TVP23A: variants seen among roughly 807,000 people sequenced by gnomAD.
The protein encoded by TVP23A is trans-golgi network vesicle protein 23 homolog A, also known as Golgi apparatus membrane protein TVP23 homolog A.
A neutral mutation model predicts 31.7 loss-of-function variants in TVP23A; 21 were observed. That is an observed-to-expected ratio of 0.66 (90% CI 0.47 to 0.95). The LOEUF (loss-of-function observed/expected upper bound fraction) is 0.95. Among genes scored for constraint, TVP23A ranks in the 40% least tolerant of loss-of-function variants. The probability of loss-of-function intolerance (pLI) is 0.00; values close to 1 mark genes in which losing one functional copy is unlikely to be tolerated. For missense variants in TVP23A, 279 were observed against 255.6 expected, an observed-to-expected ratio of 1.09 and a Z score of -0.62; for synonymous variants, 104 against 96.0, an observed-to-expected ratio of 1.08 and a Z score of -0.49.
chr16:10,818,289 C>T lies in TVP23A; in HGVS notation c.10-107G>A, dbSNP rs996672434. On this transcript the variant is annotated intron_variant, in intron 1 of 7. Coordinates refer to ENST00000299866, the MANE Select transcript of TVP23A (RefSeq NM_001079512.4). This position sits in a 1 kb window ranked among gnomAD's most constrained non-coding sequence, Gnocchi z 4.7. ...ACTCCACTTGCACCCCACCGGGTTCCCAAGTGGACCCTCCGAGCTGGCGGG... is the reference window on the plus strand; with the variant it reads ...ACTCCACTTGCACCCCACCGGGTTCTCAAGTGGACCCTCCGAGCTGGCGGG... 5.7e-5 allele frequency: 74 copies of T among 1,287,868 alleles called. No individual in the cohort carries two copies. Among genetic ancestry groups the T allele is most frequent in the Non-Finnish European group, 7.8e-5 (72 of 921,672 alleles). 79.8% of individuals were successfully genotyped at this position (1,287,868 alleles called of 1,614,324 possible).
chr16:10,789,537 T>C (rs915825047), intron 2 of TVP23A, among the ~76,000 whole-genome samples: 2 of 151,722 alleles, frequency 1.3e-5, no homozygotes, highest in Admixed American at 6.6e-5. Context: ...ACATTCAAGA[T>C]ATACATTGGG....
At chr16:10,808,735 C>G (rs2034058916) in intron 2 of TVP23A, 1 of 312,216 alleles carries the variant, frequency 3.2e-6, no homozygotes. Flanking sequence ...CATGATTACA[C>G]CACTGCACTC....
At chr16:10,773,219 T>C (rs2031755054) in intron 5 of TVP23A, 94 bp downstream of exon 5, 2 of 1,417,372 alleles carry the variant, frequency 1.4e-6, no homozygotes, top group South Asian at 1.5e-5. Context: ...AATTGATCAA[T>C]CAATCAATAA....
intron 2 of TVP23A, among the ~76,000 whole-genome samples, chr16:10,799,266 C>G (rs537676497): frequency 1.1e-3 from 163 of 152,318 alleles, no homozygotes; most frequent in African/African-American, 3.8e-3. Context: ...TCTGTAGCTG[C>G]TAAGTTGGGG....
In TVP23A at chr16:10,768,393, G is replaced by T; in HGVS notation, c.*709C>A. The stretch of plus-strand genomic sequence containing the variant: ...GGAGGCAGGCAGATCACTTGAGGCT[G>T]GTCAGGAGTTCAAGACCAGCCTGGC... On this transcript the variant is annotated 3_prime_UTR_variant, in exon 8 of 8. Transcript: ENST00000299866. This position sits in a 1 kb window ranked among gnomAD's most constrained non-coding sequence, Gnocchi z 4.3. The T allele has an allele frequency of 5.8e-6, 1 of 171,878 alleles. No homozygotes were observed. 10.6% of individuals were successfully genotyped at this position (171,878 alleles called of 1,614,324 possible).
chr16:10,791,352 G>A (rs770898867), intron 2 of TVP23A, among the ~76,000 whole-genome samples: 2 of 152,172 alleles, frequency 1.3e-5, no homozygotes, highest in African/African-American at 4.8e-5. Flanking sequence ...TGATGTAGGA[G>A]TTCAGAAGAA....
At chr16:10,798,722 G>A (rs2033539145) in intron 2 of TVP23A, among the ~76,000 whole-genome samples, 2 of 152,006 alleles carry the variant, frequency 1.3e-5, no homozygotes, top group Non-Finnish European at 2.9e-5. Context: ...GGAGTGCAAT[G>A]GTGCGATCTT....
At chr16:10,795,728 A>T (rs1392224728) in intron 2 of TVP23A, among the ~76,000 whole-genome samples, 2 of 152,092 alleles carry the variant, frequency 1.3e-5, no homozygotes, top group Non-Finnish European at 2.9e-5. Flanking sequence ...CTCCTTCTGG[A>T]TCCCTTCAGC....
rs1010008316 is a variant in TVP23A at position 10,777,924 on chromosome 16, T to C, written c.90-2828A>G. 1.3e-5 allele frequency among the ~76,000 whole-genome samples: 2 copies of C among 152,040 alleles called. No homozygotes were observed. The highest frequency in any genetic ancestry group is 2.9e-5 in the Non-Finnish European group (2 of 68,030). Reference sequence around the variant, plus strand: ...TACTCGGGACGCTGAGGCAGGAGAATTGCTTGAATCTGGGAGGCGGAGGTT... The same window carrying C: ...TACTCGGGACGCTGAGGCAGGAGAACTGCTTGAATCTGGGAGGCGGAGGTT... On this transcript the variant is annotated intron_variant, in intron 2 of 7. Coordinates refer to ENST00000299866, the MANE Select transcript of TVP23A (RefSeq NM_001079512.4). The surrounding 1 kb of genome is among the most constrained non-coding windows in gnomAD (Gnocchi z 4.5).
At chr16:10,788,134 C>G (rs2032878719) in intron 2 of TVP23A, among the ~76,000 whole-genome samples, 2 of 152,136 alleles carry the variant, frequency 1.3e-5, no homozygotes, top group Non-Finnish European at 2.9e-5. Flanking sequence ...AAAGGCAAAA[C>G]AACTCAAACA....
intron 2 of TVP23A, among the ~76,000 whole-genome samples, chr16:10,812,250 A>G (rs1221889571): frequency 6.6e-6 from 1 of 152,236 alleles, no homozygotes; most frequent in African/African-American, 2.4e-5. Flanking sequence ...TCAAAAACAC[A>G]GTCAATAACA....
At chr16:10,775,666 G>T in intron 2 of TVP23A, 1 of 492,518 alleles carries the variant, frequency 2.0e-6, no homozygotes, top group Non-Finnish European at 2.6e-6. Flanking sequence ...CTTGTTCACT[G>T]TGCCTTTAGA....
At chr16:10,798,646 C>A (rs2033533449) in intron 2 of TVP23A, among the ~76,000 whole-genome samples, 1 of 148,202 alleles carries the variant, frequency 6.7e-6, no homozygotes, top group East Asian at 1.9e-4. Context: ...AACGACATGG[C>A]AGCTTATGTT....
In TVP23A at chr16:10,768,907, G is replaced by A; in HGVS notation, c.*195C>T. 1 of 705,230 alleles carries A rather than the reference G, an allele frequency of 1.4e-6. No individual in the cohort carries two copies. The highest frequency in any genetic ancestry group is 2.5e-6 in the Non-Finnish European group (1 of 402,734). 43.7% of individuals were successfully genotyped at this position (705,230 alleles called of 1,614,324 possible). A position where few individuals can be genotyped will look rare whatever the true frequency, so the allele number is the denominator to read the frequency against. On this transcript the variant is annotated 3_prime_UTR_variant, in exon 8 of 8. Coordinates refer to ENST00000299866, the MANE Select transcript of TVP23A (RefSeq NM_001079512.4). The surrounding 1 kb of genome is among the most constrained non-coding windows in gnomAD (Gnocchi z 4.3). The stretch of plus-strand genomic sequence containing the variant: ...TTCCGGTCACTTTCAAAGACTCAGG[G>A]CATCACAGACACAGGTCTTTTTATG...
chr16:10,759,276 G>A (rs1367476654), downstream of TVP23A, among the ~76,000 whole-genome samples: 5 of 152,180 alleles, frequency 3.3e-5, no homozygotes, highest in Non-Finnish European at 5.9e-5. The surrounding 1 kb of genome is among the most constrained non-coding windows in gnomAD (Gnocchi z 4.7). Flanking sequence ...GGCAGGCCCA[G>A]CGGCCATGGG....
rs1170656136 is a variant in TVP23A at position 10,777,723 on chromosome 16, A to G, written c.90-2627T>C. Among the ~76,000 whole-genome samples, 1 of 152,214 alleles carries G rather than the reference A, an allele frequency of 6.6e-6. No homozygotes were observed. The highest frequency in any genetic ancestry group is 1.5e-5 in the Non-Finnish European group (1 of 68,042). On this transcript the variant is annotated intron_variant, in intron 2 of 7. Coordinates refer to ENST00000299866, the MANE Select transcript of TVP23A (RefSeq NM_001079512.4). This position sits in a 1 kb window ranked among gnomAD's most constrained non-coding sequence, Gnocchi z 4.5. The stretch of plus-strand genomic sequence containing the variant: ...TGCACCCGGCTTTTAAGAATTAGAC[A>G]GGATCAAGCCGGGCGTGGTGGCTCA...
Position 10,767,930 on chromosome 16 carries a change from CGTTT to C in TVP23A, c.*1168_*1171del, listed in dbSNP as rs750371999. The C allele has an allele frequency of 1.7e-5, 27 of 1,611,774 alleles. No homozygotes were observed. Among genetic ancestry groups the C allele is most frequent in the South Asian group, 3.3e-5 (3 of 91,040 alleles). On this transcript the variant is annotated 3_prime_UTR_variant, in exon 8 of 8. Transcript: ENST00000299866. The surrounding 1 kb of genome is among the most constrained non-coding windows in gnomAD (Gnocchi z 4.6). The stretch of plus-strand genomic sequence containing the variant: ...TTTCCTCTTGGACTGAATTGTCTTC[CGTTT>C]GTTTCTTTTTTAAGGTAAGAATTGT...
At chr16:10,774,923 A>C (rs2031893725) in intron 3 of TVP23A, 29 bp downstream of exon 3, 1 of 1,600,570 alleles carries the variant, frequency 6.2e-7, no homozygotes, top group Admixed American at 1.7e-5. Flanking sequence ...GTGTTTCGGA[A>C]GTGATGACAT....
intron 2 of TVP23A, among the ~76,000 whole-genome samples, chr16:10,778,308 T>G (rs930939272): frequency 7.2e-6 from 1 of 139,610 alleles, no homozygotes; most frequent in African/African-American, 2.7e-5. Context: ...CACTCCAGCT[T>G]GGGCAACAGA....
Sources: gnomAD v4.1 joint callset for allele counts (sites outside exome capture counted in the v4.1 genomes callset) on GRCh38, gnomAD v4.1.1 for gene constraint, Gnocchi (gnomAD v3.1) non-coding constraint, MANE v1.5 for transcripts, NCBI Gene and HGNC (gene_info 2026-07-23, HGNC 2026-07-21) for gene names.